Variants in TTBK2 observed in about 807,000 individuals in gnomAD.
The protein encoded by TTBK2 is tau tubulin kinase 2.
TTBK2 carries 28 observed loss-of-function variants against 110.8 expected under a neutral mutation model. That is an observed-to-expected ratio of 0.25 (90% confidence interval 0.19 to 0.35). TTBK2 has a LOEUF of 0.35. Among genes scored for constraint, TTBK2 ranks in the 10% least tolerant of loss-of-function variants. TTBK2 has a pLI of 1.00. For synonymous variants in TTBK2, 532 were observed against 527.3 expected, an observed-to-expected ratio of 1.01 and a Z score of -0.12; for missense variants, 1,369 against 1,500.3, an observed-to-expected ratio of 0.91 and a Z score of 1.45.
chr15:42,761,770 T>C (rs1026300874), intron 13 of TTBK2, among the ~76,000 whole-genome samples: 2 of 152,152 alleles, frequency 1.3e-5, no homozygotes, highest in Non-Finnish European at 2.9e-5. Context: ...TAAAAATGGC[T>C]ATCATCAAAA....
intron 1 of TTBK2, among the ~76,000 whole-genome samples, chr15:42,897,423 A>G (rs142779116): frequency 9.4e-4 from 143 of 152,242 alleles, no homozygotes; most frequent in African/African-American, 3.4e-3. Context: ...CATTCTTTCA[A>G]TAAACAAACA....
chr15:42,806,378 T>C (rs1045862651), intron 9 of TTBK2, among the ~76,000 whole-genome samples: 1 of 152,264 alleles, frequency 6.6e-6, no homozygotes, highest in African/African-American at 2.4e-5. Context: ...TTTGTTTCAT[T>C]TGGATGCACA....
chr15:42,909,950 G>C (rs1050272687), intron 1 of TTBK2, among the ~76,000 whole-genome samples: 1 of 152,094 alleles, frequency 6.6e-6, no homozygotes, highest in Non-Finnish European at 1.5e-5. Context: ...GAGCCCAGAA[G>C]TTTGAGACCA....
At chr15:42,831,824 G>A (rs1190457871) in intron 4 of TTBK2, among the ~76,000 whole-genome samples, 1 of 152,110 alleles carries the variant, frequency 6.6e-6, no homozygotes, top group African/African-American at 2.4e-5. Flanking sequence ...CCTATCGCAA[G>A]GGGATTTAAA....
rs189347237 is a variant in TTBK2 at position 42,845,801 on chromosome 15, A to G, written c.218-5368T>C. On this transcript the variant is annotated intron_variant, in intron 3 of 14. Transcript: ENST00000267890. ...TGCAAACATCATAGGGTGTGCTTAC[A>G]AAAACCTAGATGGTCTAGCCTACTA... 3.6e-4 allele frequency among the ~76,000 whole-genome samples: 55 copies of G among 152,312 alleles called. No homozygotes were observed. In the South Asian group the frequency reaches 3.9e-3, roughly 11 times the overall value.
chr15:42,898,455 G>T (rs144693269), intron 1 of TTBK2, among the ~76,000 whole-genome samples: 3,304 of 151,728 alleles, frequency 0.022, 67 homozygotes, highest in Non-Finnish European at 0.03. Context: ...AGAGGTTGCA[G>T]AGAGCCAATC....
chr15:42,832,920 T>A (rs948199717), intron 4 of TTBK2, among the ~76,000 whole-genome samples: 4 of 152,084 alleles, frequency 2.6e-5, no homozygotes, highest in Non-Finnish European at 5.9e-5. Flanking sequence ...GTAAGTACAT[T>A]AATAAGTGAA....
chr15:42,786,874 T>C (rs1890433995), intron 10 of TTBK2, among the ~76,000 whole-genome samples: 1 of 152,192 alleles, frequency 6.6e-6, no homozygotes, highest in African/African-American at 2.4e-5. Flanking sequence ...AATAATTCCT[T>C]CCCAGGAAAA....
intron 12 of TTBK2, among the ~76,000 whole-genome samples, chr15:42,776,575 G>C (rs1889933945): frequency 6.6e-6 from 1 of 152,170 alleles, no homozygotes; most frequent in African/African-American, 2.4e-5. Flanking sequence ...CTTACTCCTA[G>C]AGGGTCTTCA....
intron 10 of TTBK2, among the ~76,000 whole-genome samples, chr15:42,784,647 A>G (rs914812472): frequency 1.3e-5 from 2 of 152,240 alleles, no homozygotes; most frequent in African/African-American, 4.8e-5. Context: ...TAAAATACAG[A>G]GATGAATCTC....
At chr15:42,909,573 G>T (rs1489452171) in intron 1 of TTBK2, among the ~76,000 whole-genome samples, 3 of 152,086 alleles carry the variant, frequency 2.0e-5, no homozygotes, top group Non-Finnish European at 4.4e-5. Context: ...ATGTGCTGGG[G>T]ATTATGACAT....
At position 42,752,272 on chromosome 15, in the gene TTBK2, G is replaced by C. The variant is rs1332752538; in HGVS notation, c.2974C>G (p.Leu992Val). The C allele has an allele frequency of 2.5e-6, 4 of 1,614,208 alleles. No individual in the cohort carries two copies. Among genetic ancestry groups the C allele is most frequent in the Non-Finnish European group, 3.4e-6 (4 of 1,180,044 alleles). The part of the protein sequence containing the change: ...LVEKRQFKSF[L>V]GDLSSASDKL... ...TCAGAGGCACTTGAGAGGTCGCCAA[G>C]GAAGGACTTGAATTGTCTTTTTTCC... Residue 992 changes from leucine to valine, a missense_variant, in exon 14 of 15, where the codon CTT becomes GTT. Leu to Val is a conservative substitution (Grantham distance 32). Transcript: ENST00000267890.
intron 14 of TTBK2, among the ~76,000 whole-genome samples, chr15:42,750,190 C>CA (rs1296255735): frequency 4.0e-5 from 6 of 151,096 alleles, no homozygotes; most frequent in Non-Finnish European, 8.9e-5. Context: ...CAATTTTCAA[C>CA]AAAAAAAATA....
intron 9 of TTBK2, among the ~76,000 whole-genome samples, chr15:42,806,653 T>C (rs1378991047): frequency 1.3e-5 from 2 of 152,200 alleles, no homozygotes; most frequent in Non-Finnish European, 2.9e-5. Flanking sequence ...CCTTGGCTTG[T>C]AACATTCTAC....
intron 12 of TTBK2, chr15:42,776,784 G>C (rs890468430): frequency 3.5e-6 from 2 of 579,588 alleles, no homozygotes; most frequent in Non-Finnish European, 3.0e-6. Flanking sequence ...GAAGTCATCA[G>C]CTCTTACTGC....
At position 42,773,405 on chromosome 15, in the gene TTBK2, C is replaced by T. The variant is rs572969397; in HGVS notation, c.1998+1730G>A. Among the ~76,000 whole-genome samples the T allele has an allele frequency of 2.0e-5, 3 of 151,332 alleles. No homozygotes were observed. The South Asian group carries it at 6.3e-4, about 32-fold the overall frequency. On this transcript the variant is annotated intron_variant, in intron 13 of 14. Coordinates refer to ENST00000267890, the MANE Select transcript of TTBK2 (RefSeq NM_173500.4). ...TGAGCCGAGATCACACCACTGCACT[C>T]CAACCTGGGCAACAGAGTGAGACTG...
chr15:42,894,479 T>C lies in TTBK2; in HGVS notation c.-67-15795A>G, dbSNP rs562238667. On this transcript the variant is annotated intron_variant, in intron 1 of 14. Coordinates refer to ENST00000267890, the MANE Select transcript of TTBK2 (RefSeq NM_173500.4). ...ATTAAAACTAGTCAAAGGATGGGCA[T>C]TGTGGCTCATGTTTGTAATCTTAGT... Among the ~76,000 whole-genome samples the C allele has an allele frequency of 7.2e-5, 11 of 152,306 alleles. No individual in the cohort carries two copies. The South Asian group carries it at 1.5e-3, about 20-fold the overall frequency.
At position 42,762,838 on chromosome 15, in the gene TTBK2, T is replaced by C. The variant is rs193223593; in HGVS notation, c.1999-9591A>G. Among the ~76,000 whole-genome samples the C allele has an allele frequency of 5.8e-3, 880 of 152,044 alleles. 4 individuals carry two copies. Among genetic ancestry groups the C allele is most frequent in the Non-Finnish European group, 9.5e-3 (647 of 68,004 alleles). ...CAACATGGATGGCACTGGAGGCTGT[T>C]ATGTTAAATGAAATAAGCCAGGCAA... On this transcript the variant is annotated intron_variant, in intron 13 of 14. Transcript: ENST00000267890.
chr15:42,908,925 T>C (rs1243372702), intron 1 of TTBK2, among the ~76,000 whole-genome samples: 2 of 152,210 alleles, frequency 1.3e-5, no homozygotes, highest in Non-Finnish European at 2.9e-5. Context: ...TGTATATATA[T>C]TCATATAGCA....
Sources: allele counts gnomAD v4.1 joint callset (sites outside exome capture counted in the v4.1 genomes callset), GRCh38; gene constraint gnomAD v4.1.1; transcripts MANE v1.5; gene names NCBI Gene and HGNC (gene_info 2026-07-23, HGNC 2026-07-21).